Variants in ST6GAL1 observed in about 807,000 individuals in gnomAD.
ST6GAL1 encodes the protein beta-galactoside alpha-2,6-sialyltransferase 1.
ST6GAL1 carries 20 observed loss-of-function variants against 38.0 expected under a neutral mutation model. The ratio of observed to expected loss-of-function variants is 0.53; its 90% confidence interval spans 0.37 to 0.77. ST6GAL1 has a LOEUF of 0.77. Among genes scored for constraint, ST6GAL1 ranks in the 30% least tolerant of loss-of-function variants. The probability of loss-of-function intolerance (pLI) is 0.00; values close to 1 mark genes in which losing one functional copy is unlikely to be tolerated. For synonymous variants in ST6GAL1, 196 were observed against 188.2 expected, an observed-to-expected ratio of 1.04 and a Z score of -0.34; for missense variants, 432 against 496.4, an observed-to-expected ratio of 0.87 and a Z score of 1.23.
chr3:186,934,363 G>A (rs1369214266), intron 1 of ST6GAL1, among the ~76,000 whole-genome samples: 3 of 152,034 alleles, frequency 2.0e-5, no homozygotes, highest in Non-Finnish European at 4.4e-5. Flanking sequence ...GAGCAACATA[G>A]TGAGACTACC....
At chr3:187,034,496 A>G (rs1218009434) in intron 2 of ST6GAL1, among the ~76,000 whole-genome samples, 2 of 152,324 alleles carry the variant, frequency 1.3e-5, no homozygotes, top group South Asian at 2.1e-4. Context: ...AATAAATGCA[A>G]AAATCCTCAA....
chr3:187,068,971 G>A lies in ST6GAL1; in HGVS notation c.706-3878G>A, dbSNP rs1719267228. The stretch of plus-strand genomic sequence containing the variant: ...CAAATCCCCATCTAGCAGGAAGCCT[G>A]CTCTGCCCTTGGACTATAGACCTGA... On this transcript the variant is annotated intron_variant, in intron 5 of 7. Transcript: ENST00000169298. Among the ~76,000 whole-genome samples the A allele has an allele frequency of 2.6e-5, 4 of 152,308 alleles. No individual in the cohort carries two copies. The South Asian group carries it at 8.3e-4, about 32-fold the overall frequency.
chr3:187,034,815 A>T (rs1325678917), intron 2 of ST6GAL1, among the ~76,000 whole-genome samples: 1 of 152,190 alleles, frequency 6.6e-6, no homozygotes, highest in Non-Finnish European at 1.5e-5. Flanking sequence ...ATGGGTAAAA[A>T]CTGGAAGCAT....
chr3:186,944,860 C>T (rs1411708109), intron 1 of ST6GAL1, among the ~76,000 whole-genome samples: 4 of 152,228 alleles, frequency 2.6e-5, no homozygotes, highest in Admixed American at 6.5e-5. Flanking sequence ...ATAGACACAC[C>T]TGGCTGTAAG....
intron 1 of ST6GAL1, among the ~76,000 whole-genome samples, chr3:186,946,735 T>C (rs187579799): frequency 6.6e-6 from 1 of 152,178 alleles, no homozygotes; most frequent in Non-Finnish European, 1.5e-5. Context: ...TGACATTTTA[T>C]AAATAATGAA....
intron 2 of ST6GAL1, among the ~76,000 whole-genome samples, chr3:186,970,984 C>T (rs562096265): frequency 6.6e-6 from 1 of 152,228 alleles, no homozygotes; most frequent in Non-Finnish European, 1.5e-5. Flanking sequence ...ACGGCCAAAC[C>T]ATTTCCTAGA....
At chr3:187,035,809 A>T (rs1219626281) in intron 2 of ST6GAL1, among the ~76,000 whole-genome samples, 1 of 151,850 alleles carries the variant, frequency 6.6e-6, no homozygotes, top group South Asian at 2.1e-4. Flanking sequence ...ATCCTGGAAG[A>T]AAACCTAGGA....
rs778042990 is a variant in ST6GAL1 at position 187,076,976 on chromosome 3, G to GTTT, written c.*1183_*1185dup. The GTTT allele has an allele frequency of 0.14, 52,502 of 370,478 alleles. 1,986 individuals carry two copies. Among genetic ancestry groups the GTTT allele is most frequent in the East Asian group, 0.24 (6,363 of 26,094 alleles). The allele number at this position is 370,478 out of a possible 1,614,324, so 22.9% of individuals were successfully genotyped here. On this transcript the variant is annotated 3_prime_UTR_variant, in exon 8 of 8. Coordinates refer to ENST00000169298, the MANE Select transcript of ST6GAL1 (RefSeq NM_173216.2). ...CCAAATCTTCTCCTAACCACCATCTGTTTTTTTTTTTTAAAGCATTTTTTG... is the reference window on the plus strand; with the variant it reads ...CCAAATCTTCTCCTAACCACCATCTGTTTTTTTTTTTTTTTAAAGCATTTTTTG...
At position 187,036,877 on chromosome 3, in the gene ST6GAL1, A is replaced by T. The variant is rs188038022; in HGVS notation, c.-182-1865A>T. 4.0e-3 allele frequency among the ~76,000 whole-genome samples: 612 copies of T among 152,266 alleles called. 3 individuals are homozygous for T. Among genetic ancestry groups the T allele is most frequent in the Non-Finnish European group, 6.0e-3 (410 of 68,026 alleles). On this transcript the variant is annotated intron_variant, in intron 2 of 7. Transcript: ENST00000169298. ...AACAAGCCTGCATACATACCCCCTG[A>T]ATCTAACATATAAATTAAAATTATT...
intron 3 of ST6GAL1, among the ~76,000 whole-genome samples, chr3:187,039,226 C>T (rs1420326159): frequency 6.6e-6 from 1 of 152,178 alleles, no homozygotes; most frequent in Non-Finnish European, 1.5e-5. Context: ...TTGATTTCTG[C>T]CGGTTCAGTG....
chr3:187,064,015 T>C (rs1174247785), intron 5 of ST6GAL1, among the ~76,000 whole-genome samples: 4 of 152,130 alleles, frequency 2.6e-5, no homozygotes, highest in African/African-American at 7.2e-5. Context: ...TACTGAAACC[T>C]GAATGTCTGC....
intron 2 of ST6GAL1, among the ~76,000 whole-genome samples, chr3:187,010,736 G>A (rs1480245471): frequency 1.3e-5 from 2 of 152,166 alleles, no homozygotes; most frequent in African/African-American, 4.8e-5. Flanking sequence ...AGATACTGTG[G>A]CGAGCAATAT....
chr3:186,989,583 C>T (rs1009496368), intron 2 of ST6GAL1, among the ~76,000 whole-genome samples: 9 of 152,146 alleles, frequency 5.9e-5, no homozygotes, highest in Admixed American at 1.3e-4. Flanking sequence ...AAGCCCTATG[C>T]ACCATGTTCG....
intron 2 of ST6GAL1, among the ~76,000 whole-genome samples, chr3:186,988,679 G>A (rs571851819): frequency 2.0e-4 from 31 of 152,060 alleles, no homozygotes; most frequent in African/African-American, 7.2e-4. Flanking sequence ...TTGGGAGGCT[G>A]AGGTGGGGGG....
intron 2 of ST6GAL1, among the ~76,000 whole-genome samples, chr3:186,969,058 T>C (rs1484857998): frequency 4.1e-4 from 61 of 148,360 alleles, no homozygotes; most frequent in African/African-American, 1.3e-3. Flanking sequence ...TTTCTTTTTT[T>C]TTTTTTTTTT....
At chr3:186,975,545 T>C (rs1344840907) in intron 2 of ST6GAL1, among the ~76,000 whole-genome samples, 1 of 152,188 alleles carries the variant, frequency 6.6e-6, no homozygotes, top group African/African-American at 2.4e-5. Context: ...TGCCTTTTGC[T>C]GTTCAACCAG....
intron 2 of ST6GAL1, among the ~76,000 whole-genome samples, chr3:186,999,100 C>G (rs1185629682): frequency 6.6e-6 from 1 of 152,208 alleles, no homozygotes; most frequent in African/African-American, 2.4e-5. Flanking sequence ...CATTGTTAAA[C>G]TTGCTCTTGT....
At chr3:187,031,685 T>A (rs891443743) in intron 2 of ST6GAL1, among the ~76,000 whole-genome samples, 1 of 152,220 alleles carries the variant, frequency 6.6e-6, no homozygotes, top group African/African-American at 2.4e-5. Context: ...TCCACCTGCC[T>A]CAGCCTCCCA....
chr3:187,034,060 A>G (rs966355344), intron 2 of ST6GAL1, among the ~76,000 whole-genome samples: 1 of 152,198 alleles, frequency 6.6e-6, no homozygotes, highest in Non-Finnish European at 1.5e-5. Context: ...AATCACAACC[A>G]GAAATGACAA....
Sources: allele counts gnomAD v4.1 joint callset (sites outside exome capture counted in the v4.1 genomes callset), GRCh38; gene constraint gnomAD v4.1.1; transcripts MANE v1.5; gene names NCBI Gene and HGNC (gene_info 2026-07-23, HGNC 2026-07-21).